GPR55: variants seen among roughly 807,000 people sequenced by gnomAD.
GPR55 encodes the protein G-protein coupled receptor 55.
In GPR55, 6 loss-of-function variants were observed where a neutral mutation model predicts 7.9. That is an observed-to-expected ratio of 0.76 (90% CI 0.41 to 1.49). The LOEUF (loss-of-function observed/expected upper bound fraction) is 1.49. GPR55 is among the 40% of genes most tolerant of loss of function. GPR55 has a pLI of 0.01. For missense variants in GPR55, 376 were observed against 406.0 expected, an observed-to-expected ratio of 0.93 and a Z score of 0.63; for synonymous variants, 183 against 166.8, an observed-to-expected ratio of 1.10 and a Z score of -0.75.
At chr2:230,928,211 C>G (rs930621804), upstream of GPR55, among the ~76,000 whole-genome samples, 5 of 152,134 alleles carry the variant, frequency 3.3e-5, no homozygotes, top group African/African-American at 1.2e-4. Flanking sequence ...GGCACAGGGG[C>G]AGCATGTGAC....
intron 1 of GPR55, among the ~76,000 whole-genome samples, chr2:230,935,092 C>A (rs953894337): frequency 1.3e-5 from 2 of 152,328 alleles, no homozygotes; most frequent in African/African-American, 4.8e-5. Context: ...GTGGGGGGCA[C>A]TTTTCCTCTC....
chr2:230,934,693 G>A (rs1691105489), intron 1 of GPR55, among the ~76,000 whole-genome samples: 1 of 152,168 alleles, frequency 6.6e-6, no homozygotes, highest in South Asian at 2.1e-4. Context: ...TGCTATCTGG[G>A]GTGGGGTGAG....
At chr2:230,934,798 G>C (rs1486585611) in intron 1 of GPR55, among the ~76,000 whole-genome samples, 1 of 152,134 alleles carries the variant, frequency 6.6e-6, no homozygotes, top group East Asian at 1.9e-4. Context: ...TAAGAGTGAA[G>C]AGCCGTCACT....
intron 1 of GPR55, among the ~76,000 whole-genome samples, chr2:230,919,312 C>CA (rs961659512): frequency 6.6e-6 from 1 of 151,808 alleles, no homozygotes; most frequent in Non-Finnish European, 1.5e-5. Flanking sequence ...TTTGACTGCA[C>CA]AAAAAAAATT....
chr2:230,940,086 G>A (rs966463043), intron 1 of GPR55, among the ~76,000 whole-genome samples: 3 of 152,136 alleles, frequency 2.0e-5, no homozygotes, highest in Admixed American at 6.5e-5. Context: ...GGAGTCCTGC[G>A]ATGCTGGGAC....
intron 1 of GPR55, among the ~76,000 whole-genome samples, chr2:230,939,712 G>T (rs112179973): frequency 1.3e-5 from 2 of 152,196 alleles, no homozygotes; most frequent in Admixed American, 1.3e-4. Context: ...GTGCAGGCCA[G>T]TGCTTGCTCT....
intron 1 of GPR55, among the ~76,000 whole-genome samples, chr2:230,931,826 G>A (rs1241827971): frequency 6.6e-6 from 1 of 151,838 alleles, no homozygotes; most frequent in Non-Finnish European, 1.5e-5. Flanking sequence ...GGCCACCCCT[G>A]GCCCAGTCCA....
At chr2:230,931,313 G>A (rs1050776345) in intron 1 of GPR55, among the ~76,000 whole-genome samples, 3 of 152,222 alleles carry the variant, frequency 2.0e-5, no homozygotes, top group Non-Finnish European at 2.9e-5. Context: ...TACAAATTAA[G>A]TCTGTTCATT....
At chr2:230,913,675 G>A (rs1020858189) in intron 1 of GPR55, among the ~76,000 whole-genome samples, 9 of 152,126 alleles carry the variant, frequency 5.9e-5, no homozygotes, top group Non-Finnish European at 1.2e-4. Context: ...TGGGGTGGCC[G>A]CCTCCTCACT....
At chr2:230,926,829 A>G (rs1008169001), upstream of GPR55, among the ~76,000 whole-genome samples, 1 of 151,394 alleles carries the variant, frequency 6.6e-6, no homozygotes, top group Admixed American at 6.6e-5. Flanking sequence ...AGCTGGGATT[A>G]CAGGCTTGTG....
intron 1 of GPR55, among the ~76,000 whole-genome samples, chr2:230,940,684 G>T (rs1168438682): frequency 6.6e-6 from 1 of 152,326 alleles, no homozygotes; most frequent in African/African-American, 2.4e-5. Flanking sequence ...CTGCTGGGTG[G>T]CCGCCTCGCC....
At position 230,916,977 on chromosome 2, in the gene GPR55, G is replaced by C. The variant is rs535698038; in HGVS notation, c.-134-5881C>G. Among the ~76,000 whole-genome samples the C allele has an allele frequency of 5.1e-4, 78 of 152,270 alleles. 1 individual carries two copies. Among genetic ancestry groups the C allele is most frequent in the African/African-American group, 1.7e-3 (71 of 41,554 alleles). On this transcript the variant is annotated intron_variant, in intron 1 of 1. Coordinates refer to ENST00000650999, the MANE Select transcript of GPR55 (RefSeq NM_005683.4). ...ATGAAGGGTGCACTTAAATGACACA[G>C]AAATGTTCCACATAAAAGTTCTGTG...
upstream of GPR55, among the ~76,000 whole-genome samples, chr2:230,928,908 G>C (rs1335358587): frequency 6.6e-6 from 1 of 152,188 alleles, no homozygotes; most frequent in African/African-American, 2.4e-5. Flanking sequence ...TCCAAGAGCT[G>C]GGCTAGGCAG....
intron 1 of GPR55, among the ~76,000 whole-genome samples, chr2:230,959,646 A>G (rs569172571): frequency 7.2e-6 from 1 of 139,216 alleles, no homozygotes; most frequent in South Asian, 2.6e-4. Flanking sequence ...CTGCCCAGCC[A>G]CATTCCTAAA....
chr2:230,908,397 T>C lies in GPR55; in HGVS notation c.*1606A>G, dbSNP rs1311177900. 1 of 152,540 alleles carries C rather than the reference T, an allele frequency of 6.6e-6. No individual in the cohort carries two copies. Among genetic ancestry groups the C allele is most frequent in the Non-Finnish European group, 1.5e-5 (1 of 68,318 alleles). 9.4% of individuals were successfully genotyped at this position (152,540 alleles called of 1,614,324 possible). A position where few individuals can be genotyped will look rare whatever the true frequency, so the allele number is the denominator to read the frequency against. ...GGCGACTCCTGTCCGTCCATGGCTC[T>C]TAGGCCAGCTGGGAAAGCTCTCAGG... On this transcript the variant is annotated 3_prime_UTR_variant, in exon 2 of 2. Coordinates refer to ENST00000650999, the MANE Select transcript of GPR55 (RefSeq NM_005683.4).
At chr2:230,957,713 T>C (rs1297774106) in intron 1 of GPR55, 1 of 549,166 alleles carries the variant, frequency 1.8e-6, no homozygotes, top group East Asian at 5.0e-5. Context: ...TTCATTAGGA[T>C]CTGTTGTGGC....
chr2:230,957,485 A>T, intron 1 of GPR55: 1 of 355,058 alleles, frequency 2.8e-6, no homozygotes, highest in East Asian at 7.5e-5. Flanking sequence ...ACAGCGCGTG[A>T]TTTAAAACTT....
chr2:230,926,862 T>C (rs1363700053), upstream of GPR55, among the ~76,000 whole-genome samples: 1 of 151,770 alleles, frequency 6.6e-6, no homozygotes, highest in Non-Finnish European at 1.5e-5. Context: ...ACTAACTTTT[T>C]TCGTATTTTT....
chr2:230,928,099 C>G (rs1455974946), upstream of GPR55, among the ~76,000 whole-genome samples: 2 of 152,268 alleles, frequency 1.3e-5, no homozygotes, highest in Non-Finnish European at 1.5e-5. Context: ...CGGGCACCCT[C>G]TGCACCAGGG....
Sources: allele counts gnomAD v4.1 joint callset (sites outside exome capture counted in the v4.1 genomes callset), GRCh38; gene constraint gnomAD v4.1.1; transcripts MANE v1.5; gene names NCBI Gene and HGNC (gene_info 2026-07-23, HGNC 2026-07-21).